Variants in PHKB observed in about 807,000 individuals in gnomAD.
PHKB encodes the protein phosphorylase kinase regulatory subunit beta, also known as phosphorylase b kinase regulatory subunit beta.
In PHKB, 122 loss-of-function variants were observed where a neutral mutation model predicts 152.1. The observed-to-expected ratio is 0.80, with a 90% CI of 0.69 to 0.93. The LOEUF (loss-of-function observed/expected upper bound fraction) is 0.93, where lower values mean the gene tolerates loss of function less well. PHKB is among the 40% of genes least tolerant of loss of function. The probability of loss-of-function intolerance (pLI) is 0.00; values close to 1 mark genes in which losing one functional copy is unlikely to be tolerated. For synonymous variants in PHKB, 436 were observed against 464.9 expected, an observed-to-expected ratio of 0.94 and a Z score of 0.80; for missense variants, 1,304 against 1,328.4, an observed-to-expected ratio of 0.98 and a Z score of 0.29.
Position 47,634,092 on chromosome 16 carries a change from G to C in PHKB, c.1459-6943G>C, listed in dbSNP as rs975422863. 3.9e-5 allele frequency among the ~76,000 whole-genome samples: 6 copies of C among 152,208 alleles called. No individual in the cohort carries two copies. In the South Asian group the frequency reaches 1.2e-3, roughly 31 times the overall value. ...TTTTTTGGACACTTACTATAGGCCA[G>C]TGTTAAATGCTTATATATTATGTAT... On this transcript the variant is annotated intron_variant, in intron 14 of 30. Transcript: ENST00000323584.
chr16:47,549,923 CA>C (rs1343436796), intron 7 of PHKB, among the ~76,000 whole-genome samples: 3 of 151,962 alleles, frequency 2.0e-5, no homozygotes, highest in African/African-American at 7.3e-5. Context: ...CGTTTGCATG[CA>C]AAATTAATCT....
intron 1 of PHKB, among the ~76,000 whole-genome samples, chr16:47,492,274 T>A (rs1005410910): frequency 2.6e-5 from 4 of 152,190 alleles, no homozygotes; most frequent in African/African-American, 9.7e-5. Context: ...CTAGATTGGC[T>A]ACAGATTAAG....
At chr16:47,569,768 C>T (rs1244524327) in intron 7 of PHKB, among the ~76,000 whole-genome samples, 1 of 152,118 alleles carries the variant, frequency 6.6e-6, no homozygotes, top group Non-Finnish European at 1.5e-5. Flanking sequence ...CTTACAGGTG[C>T]ACGCCACCAC....
rs976334273 is a variant in PHKB, at chr16:47,590,185, T to C, written c.1068+1083T>C. ...TATGTAGAAAATATGTAGGCAACAT[T>C]ATACCTTTTAAGTTGTTTGGCAATT... On this transcript the variant is annotated intron_variant, in intron 10 of 30. Transcript: ENST00000323584. The C allele has an allele frequency of 2.0e-5, 3 of 152,224 alleles. No individual in the cohort carries two copies. The East Asian group carries it at 5.8e-4, about 29-fold the overall frequency. The allele number at this position is 152,224 out of a possible 1,614,324, so 9.4% of individuals were successfully genotyped here.
At chr16:47,523,044 T>G (rs750281783) in intron 6 of PHKB, among the ~76,000 whole-genome samples, 31 of 152,058 alleles carry the variant, frequency 2.0e-4, no homozygotes, top group Admixed American at 1.4e-3. Context: ...GAGTTCCTTT[T>G]GTTCTTTGTA....
At chr16:47,658,581 G>C (rs1272160201) in intron 20 of PHKB, among the ~76,000 whole-genome samples, 1 of 152,036 alleles carries the variant, frequency 6.6e-6, no homozygotes, top group Non-Finnish European at 1.5e-5. Context: ...TATTTTTACT[G>C]TACCTTTTCT....
intron 20 of PHKB, among the ~76,000 whole-genome samples, chr16:47,653,316 G>C (rs1973273320): frequency 6.6e-6 from 1 of 152,134 alleles, no homozygotes; most frequent in African/African-American, 2.4e-5. Flanking sequence ...TTATACTCTT[G>C]AGTGCAGTGT....
chr16:47,473,364 T>C (rs1014903870), intron 1 of PHKB, among the ~76,000 whole-genome samples: 2 of 151,352 alleles, frequency 1.3e-5, no homozygotes, highest in Non-Finnish European at 2.9e-5. Flanking sequence ...CGTGAGCCAC[T>C]GCACCTGGCC....
At chr16:47,476,965 C>G (rs1352042785) in intron 1 of PHKB, among the ~76,000 whole-genome samples, 1 of 152,178 alleles carries the variant, frequency 6.6e-6, no homozygotes, top group African/African-American at 2.4e-5. Context: ...CTCACATTCT[C>G]TGCTGCAATG....
At chr16:47,514,107 T>A (rs1296065244) in intron 5 of PHKB, among the ~76,000 whole-genome samples, 1 of 152,184 alleles carries the variant, frequency 6.6e-6, no homozygotes, top group Non-Finnish European at 1.5e-5. Flanking sequence ...ATACAATAAA[T>A]GATCTTTTTG....
At chr16:47,675,434 T>G (rs2142085579) in intron 26 of PHKB, among the ~76,000 whole-genome samples, 1 of 152,102 alleles carries the variant, frequency 6.6e-6, no homozygotes, top group East Asian at 1.9e-4. Context: ...GAGTGCTTTT[T>G]ACACACCACA....
At chr16:47,682,779 T>C (rs1450660173) in intron 26 of PHKB, among the ~76,000 whole-genome samples, 1 of 152,246 alleles carries the variant, frequency 6.6e-6, no homozygotes, top group Non-Finnish European at 1.5e-5. Context: ...AGTCATTCTC[T>C]GTCCAGCTTT....
intron 13 of PHKB, among the ~76,000 whole-genome samples, chr16:47,605,638 A>T (rs1325542613): frequency 6.6e-6 from 1 of 152,178 alleles, no homozygotes; most frequent in African/African-American, 2.4e-5. Flanking sequence ...CTGTATCATG[A>T]GCTAAACTGA....
chr16:47,607,424 C>T (rs1014156321), intron 13 of PHKB, among the ~76,000 whole-genome samples: 2 of 152,150 alleles, frequency 1.3e-5, no homozygotes, highest in East Asian at 1.9e-4. Flanking sequence ...TCATGTAACT[C>T]GAAACTGATA....
intron 13 of PHKB, among the ~76,000 whole-genome samples, chr16:47,602,646 G>A (rs1025079223): frequency 2.0e-5 from 3 of 146,364 alleles, no homozygotes; most frequent in Non-Finnish European, 4.5e-5. Context: ...TCCAGGATTT[G>A]AATGTAAAAT....
At chr16:47,627,931 G>A (rs1358485560) in intron 14 of PHKB, among the ~76,000 whole-genome samples, 7 of 152,172 alleles carry the variant, frequency 4.6e-5, no homozygotes, top group Non-Finnish European at 8.8e-5. Context: ...GATGTATAAA[G>A]CATCTGCCTG....
intron 2 of PHKB, among the ~76,000 whole-genome samples, chr16:47,499,205 G>T (rs1970282428): frequency 6.6e-6 from 1 of 152,136 alleles, no homozygotes; most frequent in African/African-American, 2.4e-5. Context: ...AATGAATACT[G>T]TAGACTCCCT....
intron 1 of PHKB, chr16:47,462,550 C>T: frequency 6.6e-6 from 1 of 152,206 alleles, no homozygotes; most frequent in Non-Finnish European, 1.5e-5. Flanking sequence ...AGAAGAATTG[C>T]TTGAACCTGG....
chr16:47,698,731 C>G, intron 30 of PHKB, 143 bp downstream of exon 30: 1 of 701,082 alleles, frequency 1.4e-6, no homozygotes, highest in Non-Finnish European at 2.3e-6. Context: ...GGCAGTCTGC[C>G]TTTTTCGAGG....
Sources: allele counts gnomAD v4.1 joint callset (sites outside exome capture counted in the v4.1 genomes callset), GRCh38; gene constraint gnomAD v4.1.1; transcripts MANE v1.5; gene names NCBI Gene and HGNC (gene_info 2026-07-23, HGNC 2026-07-21).